Variants in STAM observed in about 807,000 individuals in gnomAD.
The protein encoded by STAM is signal transducing adapter molecule 1.
In STAM, 16 loss-of-function variants were observed where a neutral mutation model predicts 63.4. That is an observed-to-expected ratio of 0.25 (90% confidence interval 0.17 to 0.38). The LOEUF is 0.38. STAM is among the 10% of genes least tolerant of loss of function. STAM has a pLI of 1.00. For synonymous variants in STAM, 238 were observed against 223.9 expected, an observed-to-expected ratio of 1.06 and a Z score of -0.56; for missense variants, 636 against 657.1, an observed-to-expected ratio of 0.97 and a Z score of 0.35.
At chr10:17,671,032 G>C (rs1194422403) in intron 2 of STAM, among the ~76,000 whole-genome samples, 1 of 152,054 alleles carries the variant, frequency 6.6e-6, no homozygotes, top group Non-Finnish European at 1.5e-5. Flanking sequence ...ATCTAAATAA[G>C]GCTCTACTCA....
intron 2 of STAM, among the ~76,000 whole-genome samples, chr10:17,670,988 C>T (rs1301155671): frequency 4.6e-5 from 7 of 152,174 alleles, no homozygotes; most frequent in Admixed American, 2.0e-4. Context: ...AATTCTCTTA[C>T]AGTCTGTGAC....
chr10:17,703,901 C>A (rs1191817210), intron 9 of STAM, among the ~76,000 whole-genome samples: 1 of 152,164 alleles, frequency 6.6e-6, no homozygotes, highest in African/African-American at 2.4e-5. Flanking sequence ...GTAGGAATGA[C>A]AAGTTGTTAG....
chr10:17,657,495 A>G (rs553851367), intron 1 of STAM, among the ~76,000 whole-genome samples: 3 of 152,220 alleles, frequency 2.0e-5, no homozygotes, highest in African/African-American at 4.8e-5. Flanking sequence ...GTTAGGAAGT[A>G]TCTCCTCTGC....
chr10:17,686,545 T>G (rs1835303879), intron 4 of STAM, among the ~76,000 whole-genome samples: 1 of 152,030 alleles, frequency 6.6e-6, no homozygotes, highest in Non-Finnish European at 1.5e-5. Flanking sequence ...CCTGGCTGGT[T>G]TTTGTAGTGT....
At chr10:17,671,144 A>G (rs1275093455) in intron 2 of STAM, among the ~76,000 whole-genome samples, 1 of 152,186 alleles carries the variant, frequency 6.6e-6, no homozygotes, top group African/African-American at 2.4e-5. Flanking sequence ...TGTGTCTGCT[A>G]GGTCCTGGTA....
At chr10:17,681,635 T>G (rs1311923139) in intron 2 of STAM, among the ~76,000 whole-genome samples, 1 of 152,222 alleles carries the variant, frequency 6.6e-6, no homozygotes. Context: ...TGATTTAATA[T>G]TTTGAGGCTA....
intron 6 of STAM, among the ~76,000 whole-genome samples, chr10:17,694,473 T>G (rs532471111): frequency 6.6e-6 from 1 of 152,150 alleles, no homozygotes; most frequent in South Asian, 2.1e-4. Context: ...TGCACTGATA[T>G]TACATTTCAG....
At chr10:17,703,023 A>AG (rs1262378395) in intron 9 of STAM, among the ~76,000 whole-genome samples, 7 of 114,262 alleles carry the variant, frequency 6.1e-5, no homozygotes, top group Non-Finnish European at 9.4e-5. Context: ...AAAAAAAAAA[A>AG]AAAAGAAAAG....
chr10:17,700,382 T>G, intron 9 of STAM, 103 bp downstream of exon 9: 1 of 837,718 alleles, frequency 1.2e-6, no homozygotes, highest in Middle Eastern at 2.4e-4. Flanking sequence ...GTTGTAAAAA[T>G]TTTTGTATTT....
chr10:17,648,679 C>T (rs551258165), intron 1 of STAM, among the ~76,000 whole-genome samples: 12 of 152,186 alleles, frequency 7.9e-5, no homozygotes, highest in African/African-American at 2.9e-4. Flanking sequence ...TCATTGTTAT[C>T]TCTTATAGTC....
At chr10:17,705,559 A>C (rs199779874) in intron 11 of STAM, 29 bp from the exon 12 acceptor site, 4 of 1,598,484 alleles carry the variant, frequency 2.5e-6, no homozygotes, top group Non-Finnish European at 3.4e-6. Context: ...AGTAACAGCT[A>C]TGCTTCAAAT....
chr10:17,695,272 T>C, intron 7 of STAM, 31 bp downstream of exon 7: 1 of 1,593,052 alleles, frequency 6.3e-7, no homozygotes, highest in Non-Finnish European at 8.6e-7. Context: ...AAAATTTGTA[T>C]GAAAGTGTGT....
intron 2 of STAM, among the ~76,000 whole-genome samples, chr10:17,684,467 C>T (rs1426284934): frequency 1.3e-5 from 2 of 151,524 alleles, no homozygotes; most frequent in Non-Finnish European, 2.9e-5. Flanking sequence ...GCCTCATCTA[C>T]GATTACTAAT....
chr10:17,707,332 C>T (rs999173357), intron 12 of STAM, among the ~76,000 whole-genome samples: 1 of 152,046 alleles, frequency 6.6e-6, no homozygotes, highest in African/African-American at 2.4e-5. Flanking sequence ...ATGGCATGAA[C>T]CCGGGAGGCG....
intron 12 of STAM, among the ~76,000 whole-genome samples, chr10:17,707,930 G>A (rs574895070): frequency 2.0e-5 from 3 of 149,780 alleles, no homozygotes; most frequent in Non-Finnish European, 3.0e-5. Flanking sequence ...TTGCTTTGTC[G>A]CCCAGGCTGG....
chr10:17,708,969 T>G lies in STAM; in HGVS notation c.1385+18T>G, dbSNP rs17464580. The G allele has an allele frequency of 0.058, 92,857 of 1,610,806 alleles. 3,099 individuals carry two copies. Among genetic ancestry groups the G allele is most frequent in the Middle Eastern group, 0.089 (539 of 6,052 alleles). On this transcript the variant is annotated intron_variant, in intron 13 of 13. Transcript: ENST00000377524. ...TACCCAAAGTAATTTTACTGTTGAT[T>G]CTTGTTTGGAGTTAGTGCTGTTACA...
At chr10:17,675,503 C>CAAAAAA (rs199745685) in intron 2 of STAM, among the ~76,000 whole-genome samples, 1 of 110,796 alleles carries the variant, frequency 9.0e-6, no homozygotes, top group Non-Finnish European at 2.0e-5. Flanking sequence ...GACTCTGTCT[C>CAAAAAA]AAAAAAAAAA....
chr10:17,704,333 C>A, intron 9 of STAM, 98 bp from the exon 10 acceptor site: 1 of 1,043,982 alleles, frequency 9.6e-7, no homozygotes, highest in Non-Finnish European at 1.5e-6. Flanking sequence ...GTCTCCATAA[C>A]TATGAATTTC....
intron 1 of STAM, among the ~76,000 whole-genome samples, chr10:17,658,833 G>A (rs138749161): frequency 8.6e-4 from 131 of 152,190 alleles, no homozygotes; most frequent in Non-Finnish European, 1.7e-3. Flanking sequence ...TCTAAAATGA[G>A]TTTCTTATAG....
Sources: allele counts gnomAD v4.1 joint callset (sites outside exome capture counted in the v4.1 genomes callset), GRCh38; gene constraint gnomAD v4.1.1; transcripts MANE v1.5; gene names NCBI Gene and HGNC (gene_info 2026-07-23, HGNC 2026-07-21).